CSMD1: variants seen among roughly 807,000 people sequenced by gnomAD.
CSMD1 encodes the protein CUB and sushi domain-containing protein 1.
Under a neutral mutation model 417.5 loss-of-function variants are expected in CSMD1, and 213 were observed. The ratio of observed to expected loss-of-function variants is 0.51; its 90% CI spans 0.46 to 0.57. The LOEUF (loss-of-function observed/expected upper bound fraction) is 0.57, where lower values mean the gene tolerates loss of function less well. Among genes scored for constraint, CSMD1 ranks in the 20% least tolerant of loss-of-function variants. The probability of loss-of-function intolerance (pLI) is 0.00; values close to 1 mark genes in which losing one functional copy is unlikely to be tolerated. For missense variants in CSMD1, 6,923 were observed against 4,529.7 expected (o/e 1.53, Z -15.17); for synonymous variants, 2,862 against 1,736.8 (o/e 1.65, Z -16.11).
At chr8:4,792,555 C>T (rs1797749062) in intron 1 of CSMD1, among the ~76,000 whole-genome samples, 1 of 152,128 alleles carries the variant, frequency 6.6e-6, no homozygotes, top group Admixed American at 6.5e-5. Context: ...CAGCCATACA[C>T]CACACTCAAC....
At chr8:4,139,429 A>T (rs1803640775) in intron 3 of CSMD1, among the ~76,000 whole-genome samples, 8 of 144,696 alleles carry the variant, frequency 5.5e-5, no homozygotes, top group African/African-American at 2.3e-4. Flanking sequence ...GAGGTAAAGA[A>T]CGAAGGAAGA....
At chr8:3,639,938 A>T (rs1246687761) in intron 7 of CSMD1, among the ~76,000 whole-genome samples, 3 of 152,256 alleles carry the variant, frequency 2.0e-5, no homozygotes, top group African/African-American at 7.2e-5. Flanking sequence ...CCAGATAAGA[A>T]GAGAAAATAT....
intron 3 of CSMD1, among the ~76,000 whole-genome samples, chr8:4,044,229 A>G (rs1008175313): frequency 2.0e-5 from 3 of 152,224 alleles, no homozygotes; most frequent in East Asian, 1.9e-4. Flanking sequence ...AAATACAAAT[A>G]ACTTATTTTC....
chr8:3,551,592 ATATAT>A (rs1563145467), intron 10 of CSMD1, among the ~76,000 whole-genome samples: 1 of 117,224 alleles, frequency 8.5e-6, no homozygotes, highest in African/African-American at 3.6e-5. Flanking sequence ...ATATATATAT[ATATAT>A]TTTTTTTTTT....
chr8:4,193,328 C>G (rs989595730), intron 3 of CSMD1, among the ~76,000 whole-genome samples: 2 of 151,620 alleles, frequency 1.3e-5, no homozygotes, highest in African/African-American at 4.9e-5. Context: ...CAAAGAACGT[C>G]CTCCAATAAA....
chr8:4,905,534 A>G (rs1193722962), intron 1 of CSMD1, among the ~76,000 whole-genome samples: 1 of 152,064 alleles, frequency 6.6e-6, no homozygotes, highest in East Asian at 1.9e-4. Flanking sequence ...AAGAAAAAGA[A>G]ATCGGTCAGA....
At chr8:3,439,836 G>C (rs1356106994) in intron 12 of CSMD1, among the ~76,000 whole-genome samples, 2 of 152,136 alleles carry the variant, frequency 1.3e-5, no homozygotes, top group African/African-American at 2.4e-5. Flanking sequence ...TTTTGTAAAA[G>C]ATGTGAGATT....
At chr8:3,438,404 G>A (rs974213183) in intron 12 of CSMD1, among the ~76,000 whole-genome samples, 1 of 152,072 alleles carries the variant, frequency 6.6e-6, no homozygotes, top group Non-Finnish European at 1.5e-5. Context: ...GTTGACCCTT[G>A]ATAGCTACAC....
Position 3,782,736 on chromosome 8 carries a change from A to C in CSMD1, c.819-28694T>G, listed in dbSNP as rs555064899. On this transcript the variant is annotated intron_variant, in intron 5 of 69. Transcript: ENST00000635120. ...GTTCAAGGAGCTGGGTGTTGGTGAT[A>C]CTGAATTATAAGAACAGTATGAATA... Among the ~76,000 whole-genome samples the C allele has an allele frequency of 2.0e-5, 3 of 152,336 alleles. No individual in the cohort carries two copies. The South Asian group carries it at 6.2e-4, about 32-fold the overall frequency.
chr8:3,265,246 G>A (rs1801350493), intron 26 of CSMD1, among the ~76,000 whole-genome samples: 1 of 152,068 alleles, frequency 6.6e-6, no homozygotes, highest in African/African-American at 2.4e-5. Flanking sequence ...AAAAAACAAG[G>A]GAAGACAAAA....
intron 2 of CSMD1, among the ~76,000 whole-genome samples, chr8:4,485,375 A>T (rs554993811): frequency 1.3e-5 from 2 of 152,284 alleles, no homozygotes; most frequent in East Asian, 3.9e-4. Context: ...TTAACACCAA[A>T]TGAAACCATT....
intron 10 of CSMD1, among the ~76,000 whole-genome samples, chr8:3,502,972 G>A (rs11781094): frequency 0.022 from 3,384 of 152,212 alleles, 102 homozygotes; most frequent in East Asian, 0.13. Context: ...CTTACAGTGG[G>A]GAGGTTGTGC....
chr8:4,039,222 C>A (rs1350169903), intron 3 of CSMD1, among the ~76,000 whole-genome samples: 1 of 152,134 alleles, frequency 6.6e-6, no homozygotes, highest in Non-Finnish European at 1.5e-5. Context: ...CTCCATTTCT[C>A]TACACTTTGC....
chr8:3,338,713 G>C (rs1459199567), intron 23 of CSMD1, among the ~76,000 whole-genome samples: 1 of 151,860 alleles, frequency 6.6e-6, no homozygotes, highest in Non-Finnish European at 1.5e-5. Flanking sequence ...CCAGAGAAAG[G>C]GCTTTATTTT....
At chr8:4,733,812 GA>G (rs1189345547) in intron 1 of CSMD1, among the ~76,000 whole-genome samples, 1 of 152,084 alleles carries the variant, frequency 6.6e-6, no homozygotes, top group African/African-American at 2.4e-5. Context: ...CTAAATTATG[GA>G]AAACTGCCTT....
chr8:4,586,356 C>A (rs1489935132), intron 2 of CSMD1, among the ~76,000 whole-genome samples: 1 of 152,190 alleles, frequency 6.6e-6, no homozygotes, highest in Non-Finnish European at 1.5e-5. Context: ...ATAGATTTCT[C>A]TCACAGAGTG....
chr8:4,721,707 C>T (rs1809065025), intron 1 of CSMD1, among the ~76,000 whole-genome samples: 1 of 152,074 alleles, frequency 6.6e-6, no homozygotes, highest in Non-Finnish European at 1.5e-5. Flanking sequence ...CCTGTTGTAT[C>T]TAAAACCAAA....
intron 5 of CSMD1, among the ~76,000 whole-genome samples, chr8:3,776,512 T>C (rs189161186): frequency 8.5e-5 from 13 of 152,264 alleles, no homozygotes; most frequent in Non-Finnish European, 1.5e-5. Flanking sequence ...TTAAACACCC[T>C]GGGGCCTTGG....
chr8:3,129,796 C>A (rs976147001), intron 41 of CSMD1, among the ~76,000 whole-genome samples: 1 of 152,062 alleles, frequency 6.6e-6, no homozygotes, highest in Non-Finnish European at 1.5e-5. Context: ...CAAGACCAGC[C>A]TGCCCAAGAT....
Sources: allele counts gnomAD v4.1 joint callset (sites outside exome capture counted in the v4.1 genomes callset), GRCh38; gene constraint gnomAD v4.1.1; transcripts MANE v1.5; gene names NCBI Gene and HGNC (gene_info 2026-07-23, HGNC 2026-07-21).